YAF2: variants seen among roughly 807,000 people sequenced by gnomAD.
YAF2 encodes YY1-associated factor 2.
YAF2 carries 7 observed loss-of-function variants against 20.1 expected under a neutral mutation model. The observed-to-expected ratio is 0.35, with a 90% CI of 0.20 to 0.65. The LOEUF (loss-of-function observed/expected upper bound fraction) is 0.65, where lower values mean the gene tolerates loss of function less well. YAF2 is among the 30% of genes least tolerant of loss of function. The pLI is 0.69. For synonymous variants in YAF2, 74 were observed against 76.0 expected (o/e 0.97, Z 0.14); for missense variants, 151 against 219.2 (o/e 0.69, Z 1.96).
rs763084414 is a variant in YAF2 at position 42,158,232 on chromosome 12, A to G, written c.*2357T>C. ...CAAGTCAACTTAATTCATTTCTCCA[A>G]TCTCATAGTGCACACCCACCAGGTT... On this transcript the variant is annotated 3_prime_UTR_variant, in exon 4 of 4. Transcript: ENST00000534854. The G allele has an allele frequency of 3.9e-5, 6 of 152,158 alleles. No homozygotes were observed. Among genetic ancestry groups the G allele is most frequent in the African/African-American group, 1.4e-4 (6 of 41,438 alleles). The allele number at this position is 152,158 out of a possible 1,614,324, so 9.4% of individuals were successfully genotyped here.
chr12:42,237,564 C>T (rs766274157), intron 2 of YAF2, 35 bp downstream of exon 2: 13 of 1,488,980 alleles, frequency 8.7e-6, no homozygotes, highest in African/African-American at 2.9e-5. Context: ...GCCACCCCGC[C>T]GGCCGGCGGC....
chr12:42,163,254 G>A (rs1362347149), intron 2 of YAF2, among the ~76,000 whole-genome samples: 1 of 152,054 alleles, frequency 6.6e-6, no homozygotes, highest in Non-Finnish European at 1.5e-5. Flanking sequence ...GAGTGGCAGA[G>A]TGAAAAAAAA....
intron 2 of YAF2, among the ~76,000 whole-genome samples, chr12:42,213,394 CTATTA>C (rs1426878952): frequency 6.6e-6 from 1 of 152,196 alleles, no homozygotes; most frequent in African/African-American, 2.4e-5. Flanking sequence ...GAACAAAATT[CTATTA>C]TATTATTTAA....
In YAF2 at chr12:42,158,802, G is replaced by A. The variant is rs1191729357; in HGVS notation, c.*1787C>T. 6.6e-6 allele frequency: 1 copy of A among 152,060 alleles called. No homozygotes were observed. Among genetic ancestry groups the A allele is most frequent in the Non-Finnish European group, 1.5e-5 (1 of 67,996 alleles). The allele number at this position is 152,060 out of a possible 1,614,324, so 9.4% of individuals were successfully genotyped here. ...CATCCTGAAAGTTATTTGATCATAAGATGTAATTCCTTTAAAGCATAGTTT... is the reference window on the plus strand; with the variant it reads ...CATCCTGAAAGTTATTTGATCATAAAATGTAATTCCTTTAAAGCATAGTTT... On this transcript the variant is annotated 3_prime_UTR_variant, in exon 4 of 4. Coordinates refer to ENST00000534854, the MANE Select transcript of YAF2 (RefSeq NM_005748.6).
chr12:42,235,328 C>T, intron 2 of YAF2: 1 of 1,000,966 alleles, frequency 1.0e-6, no homozygotes, highest in Non-Finnish European at 1.2e-6. Flanking sequence ...ACTTTTGCTT[C>T]TCAACACCGT....
chr12:42,237,877 G>C, intron 1 of YAF2, 153 bp from the exon 2 acceptor site: 1 of 694,866 alleles, frequency 1.4e-6, no homozygotes, highest in Non-Finnish European at 1.8e-6. Flanking sequence ...CGGCTGAGGG[G>C]GAAGGGAGTC....
rs114479948 is a variant in YAF2 at position 42,166,447 on chromosome 12, A to G, written c.153-4682T>C. Reference sequence around the variant, plus strand: ...TAAATTTTTGTGTCAAATATAGAAGATAAAGAATGTTTTCACATGTCTTTA... The same window carrying G: ...TAAATTTTTGTGTCAAATATAGAAGGTAAAGAATGTTTTCACATGTCTTTA... On this transcript the variant is annotated intron_variant, in intron 2 of 3. Coordinates refer to ENST00000534854, the MANE Select transcript of YAF2 (RefSeq NM_005748.6). Among the ~76,000 whole-genome samples, 576 of 152,346 alleles carry G rather than the reference A, an allele frequency of 3.8e-3. 4 individuals are homozygous for G. Among genetic ancestry groups the G allele is most frequent in the African/African-American group, 0.014 (562 of 41,576 alleles).
At chr12:42,179,789 C>CAAAAAAAAAAAAAA (rs71084622) in intron 2 of YAF2, among the ~76,000 whole-genome samples, 4 of 85,140 alleles carry the variant, frequency 4.7e-5, no homozygotes, top group Non-Finnish European at 6.8e-5. Context: ...GTCTAAAAGG[C>CAAAAAAAAAAAAAA]AAAAAAAAAA....
chr12:42,211,540 C>A (rs943493763), intron 2 of YAF2, among the ~76,000 whole-genome samples: 4 of 151,390 alleles, frequency 2.6e-5, no homozygotes, highest in Non-Finnish European at 5.9e-5. Context: ...AGTTCAAGAC[C>A]AGCCTGACCA....
intron 2 of YAF2, among the ~76,000 whole-genome samples, chr12:42,163,848 T>C (rs1249285361): frequency 6.6e-6 from 1 of 152,190 alleles, no homozygotes; most frequent in East Asian, 1.9e-4. Flanking sequence ...GTCACTCAAC[T>C]CCATGCCCTA....
intron 2 of YAF2, among the ~76,000 whole-genome samples, chr12:42,166,575 C>A (rs1323776743): frequency 6.6e-6 from 1 of 152,106 alleles, no homozygotes; most frequent in Non-Finnish European, 1.5e-5. Flanking sequence ...ACTTTTTGTG[C>A]TCAGAAATAT....
chr12:42,206,115 A>T (rs2067032861), intron 2 of YAF2, among the ~76,000 whole-genome samples: 1 of 151,774 alleles, frequency 6.6e-6, no homozygotes, highest in African/African-American at 2.4e-5. Flanking sequence ...AGGAGTACTC[A>T]TTTCTTTCTT....
At chr12:42,181,035 C>G (rs1331916856) in intron 2 of YAF2, among the ~76,000 whole-genome samples, 1 of 152,164 alleles carries the variant, frequency 6.6e-6, no homozygotes, top group Non-Finnish European at 1.5e-5. Flanking sequence ...CTTTGATACA[C>G]CTAGCTCTGG....
chr12:42,201,820 C>G lies in YAF2; in HGVS notation c.152+35779G>C, dbSNP rs563661374. ...CTCCTGACCTCAAGTGAACCATCTG[C>G]CTTGGTCTCCCCAGATTGATGGCAT... On this transcript the variant is annotated intron_variant, in intron 2 of 3. Coordinates refer to ENST00000534854, the MANE Select transcript of YAF2 (RefSeq NM_005748.6). Among the ~76,000 whole-genome samples, 397 of 152,262 alleles carry G rather than the reference C, an allele frequency of 2.6e-3. 2 individuals carry two copies. Among genetic ancestry groups the G allele is most frequent in the African/African-American group, 9.1e-3 (377 of 41,546 alleles).
chr12:42,209,298 T>A (rs1193140185), intron 2 of YAF2, among the ~76,000 whole-genome samples: 1 of 150,170 alleles, frequency 6.7e-6, no homozygotes, highest in African/African-American at 2.4e-5. Context: ...GAGCAGTGGC[T>A]CACACCTGTA....
chr12:42,166,335 C>A (rs2065916806), intron 2 of YAF2, among the ~76,000 whole-genome samples: 1 of 152,216 alleles, frequency 6.6e-6, no homozygotes, highest in Non-Finnish European at 1.5e-5. Context: ...GACAGACATT[C>A]TCTCTGCTTC....
chr12:42,238,021 A>C, intron 1 of YAF2, 134 bp downstream of exon 1: 2 of 576,818 alleles, frequency 3.5e-6, no homozygotes. Flanking sequence ...CTCAAGCGGC[A>C]GCACTCGCAC....
intron 2 of YAF2, among the ~76,000 whole-genome samples, chr12:42,198,974 A>G (rs959374904): frequency 1.3e-5 from 2 of 152,236 alleles, no homozygotes; most frequent in African/African-American, 4.8e-5. Flanking sequence ...TTCATATGAA[A>G]AAAAGACTTT....
At chr12:42,163,530 T>C (rs1369300028) in intron 2 of YAF2, among the ~76,000 whole-genome samples, 1 of 152,212 alleles carries the variant, frequency 6.6e-6, no homozygotes, top group African/African-American at 2.4e-5. Context: ...GGTTCTTTTT[T>C]TCTGTTCTTG....
Sources: gnomAD v4.1 joint callset for allele counts (sites outside exome capture counted in the v4.1 genomes callset) on GRCh38, gnomAD v4.1.1 for gene constraint, MANE v1.5 for transcripts, NCBI Gene and HGNC (gene_info 2026-07-23, HGNC 2026-07-21) for gene names.